The following LCA5 variants were observed in gnomAD, a reference collection of about 807,000 sequenced individuals.
The protein encoded by LCA5 is lebercilin.
A neutral mutation model predicts 53.0 loss-of-function variants in LCA5; 37 were observed. That is an observed-to-expected ratio of 0.70 (90% CI 0.54 to 0.92). The LOEUF (loss-of-function observed/expected upper bound fraction) is 0.92. Ranked by LOEUF, LCA5 falls within the 40% of genes least tolerant of loss-of-function variation. The probability of loss-of-function intolerance (pLI) is 0.00; values close to 1 mark genes in which losing one functional copy is unlikely to be tolerated. For synonymous variants in LCA5, 303 were observed against 282.9 expected, an observed-to-expected ratio of 1.07 and a Z score of -0.71; for missense variants, 806 against 790.5, an observed-to-expected ratio of 1.02 and a Z score of -0.23.
intron 6 of LCA5, among the ~76,000 whole-genome samples, chr6:79,490,385 G>A (rs1769804053): frequency 6.6e-6 from 1 of 152,050 alleles, no homozygotes; most frequent in African/African-American, 2.4e-5. Context: ...TGAGAAAGCT[G>A]AGGCTCCAAG....
chr6:79,502,975 G>T (rs1030592176), intron 3 of LCA5, among the ~76,000 whole-genome samples: 1 of 152,054 alleles, frequency 6.6e-6, no homozygotes, highest in African/African-American at 2.4e-5. Flanking sequence ...CCACTTCCCA[G>T]GTTCAAGCGA....
intron 2 of LCA5, among the ~76,000 whole-genome samples, chr6:79,517,994 G>A (rs1766494600): frequency 6.6e-6 from 1 of 151,868 alleles, no homozygotes; most frequent in African/African-American, 2.4e-5. Flanking sequence ...TACCTCATTT[G>A]CCTTATTTTT....
At chr6:79,492,720 A>T in intron 4 of LCA5, 73 bp from the exon 5 acceptor site, 1 of 785,730 alleles carries the variant, frequency 1.3e-6, no homozygotes. Flanking sequence ...TCACTTTGTC[A>T]TCTGGTATTT....
chr6:79,523,298 T>A lies in LCA5; in HGVS notation c.-191-4213A>T, dbSNP rs191197422. Among the ~76,000 whole-genome samples, 231 of 152,154 alleles carry A rather than the reference T, an allele frequency of 1.5e-3. 1 individual carries two copies. The highest frequency in any genetic ancestry group is 5.3e-3 in the African/African-American group (220 of 41,502). On this transcript the variant is annotated intron_variant, in intron 1 of 7. Coordinates refer to ENST00000369846, the MANE Select transcript of LCA5 (RefSeq NM_001122769.3). ...TCAGCCTGAATCTTTCACTCTGCAA[T>A]CAAGTGAAAAAATATTTACACATGA...
At chr6:79,507,544 G>A (rs1770302114) in intron 3 of LCA5, among the ~76,000 whole-genome samples, 1 of 152,096 alleles carries the variant, frequency 6.6e-6, no homozygotes, top group South Asian at 2.1e-4. Context: ...ATATTGCATG[G>A]CATATGTATA....
chr6:79,519,661 T>G (rs1396330133), intron 1 of LCA5, among the ~76,000 whole-genome samples: 3 of 141,970 alleles, frequency 2.1e-5, no homozygotes, highest in Non-Finnish European at 3.0e-5. Context: ...AGGTTGCAGT[T>G]AGCCAAGATG....
At chr6:79,526,261 C>T (rs560664130) in intron 1 of LCA5, among the ~76,000 whole-genome samples, 30 of 152,198 alleles carry the variant, frequency 2.0e-4, no homozygotes, top group African/African-American at 4.8e-4. Context: ...ACAAATTTTA[C>T]GGCTGGGCGC....
chr6:79,500,863 C>T (rs913085669), intron 3 of LCA5, among the ~76,000 whole-genome samples: 2 of 152,190 alleles, frequency 1.3e-5, no homozygotes, highest in East Asian at 3.9e-4. Flanking sequence ...TGTGTTTCTT[C>T]CACTGTTTCT....
intron 4 of LCA5, among the ~76,000 whole-genome samples, chr6:79,492,962 C>G (rs1020136371): frequency 2.5e-4 from 38 of 152,038 alleles, no homozygotes; most frequent in African/African-American, 9.2e-4. Flanking sequence ...TAGTTAGTAT[C>G]TCTCAAATGT....
At chr6:79,520,595 C>T (rs1562110221) in intron 1 of LCA5, among the ~76,000 whole-genome samples, 2 of 152,100 alleles carry the variant, frequency 1.3e-5, no homozygotes, top group Non-Finnish European at 2.9e-5. Flanking sequence ...TTAAAAGTAT[C>T]GTTCTTCTAG....
At chr6:79,505,668 T>C (rs1402931162) in intron 3 of LCA5, among the ~76,000 whole-genome samples, 1 of 152,124 alleles carries the variant, frequency 6.6e-6, no homozygotes, top group African/African-American at 2.4e-5. Flanking sequence ...CATTATTCTG[T>C]CCTAATTAGC....
chr6:79,491,755 A>C, intron 5 of LCA5, 25 bp from the exon 6 acceptor site: 1 of 1,602,024 alleles, frequency 6.2e-7, no homozygotes. Flanking sequence ...ATTTTTAAAA[A>C]ATTATTACAA....
intron 3 of LCA5, among the ~76,000 whole-genome samples, chr6:79,509,005 A>C (rs1303118476): frequency 3.3e-5 from 5 of 152,184 alleles, no homozygotes; most frequent in African/African-American, 1.2e-4. Flanking sequence ...TGGGTTAAAA[A>C]CCAGAGGCTG....
intron 2 of LCA5, among the ~76,000 whole-genome samples, chr6:79,517,164 T>G (rs757685125): frequency 6.6e-6 from 1 of 152,070 alleles, no homozygotes; most frequent in African/African-American, 2.4e-5. Context: ...TTACTTGGTC[T>G]AAGGCAGACT....
chr6:79,500,298 A>G (rs1337550720), intron 3 of LCA5, among the ~76,000 whole-genome samples: 1 of 152,194 alleles, frequency 6.6e-6, no homozygotes, highest in Non-Finnish European at 1.5e-5. Flanking sequence ...CATTTTTTCC[A>G]AAGGACATAT....
Position 79,518,844 on chromosome 6 carries a change from G to C in LCA5, c.51C>G (p.Gly17=). 6.2e-7 allele frequency: 1 copy of C among 1,614,110 alleles called. No individual in the cohort carries two copies. Among genetic ancestry groups the C allele is most frequent in the South Asian group, 1.1e-5 (1 of 91,080 alleles). ...SPGTDQERKA[G]KHHYSYLSDF... ...CAGATAAGTAAGAATAATGGTGTTT[G>C]CCTGCCTTTCTTTCTTGATCAGTAC... Residue 17 remains glycine (G), a synonymous_variant, in exon 2 of 8, where the codon GGC becomes GGG. Transcript: ENST00000369846.
chr6:79,495,912 T>C (rs1769971709), intron 3 of LCA5, among the ~76,000 whole-genome samples: 1 of 152,210 alleles, frequency 6.6e-6, no homozygotes, highest in South Asian at 2.1e-4. Flanking sequence ...ACCCACTCAG[T>C]TCAAACCCAT....
chr6:79,522,050 T>C (rs371430454), intron 1 of LCA5, among the ~76,000 whole-genome samples: 2 of 152,206 alleles, frequency 1.3e-5, no homozygotes, highest in East Asian at 1.9e-4. Context: ...AACCTAATTA[T>C]TCACCTTTGG....
intron 1 of LCA5, among the ~76,000 whole-genome samples, chr6:79,529,517 G>A (rs1401860600): frequency 6.6e-6 from 1 of 152,084 alleles, no homozygotes; most frequent in African/African-American, 2.4e-5. Context: ...AAGAGAGGAA[G>A]GAGATGGGGT....
Sources: gnomAD v4.1 joint callset for allele counts (sites outside exome capture counted in the v4.1 genomes callset) on GRCh38, gnomAD v4.1.1 for gene constraint, MANE v1.5 for transcripts, NCBI Gene and HGNC (gene_info 2026-07-23, HGNC 2026-07-21) for gene names.